Variants in RLN2 observed in about 807,000 individuals in gnomAD.
The protein encoded by RLN2 is prorelaxin H2.
In RLN2, 10 loss-of-function variants were observed where a neutral mutation model predicts 7.3. That is an observed-to-expected ratio of 1.36 (90% CI 0.84 to 2.31). RLN2 has a LOEUF of 2.31. RLN2 is among the 30% of genes most tolerant of loss of function. The probability of loss-of-function intolerance (pLI) is 0.00; values close to 1 mark genes in which losing one functional copy is unlikely to be tolerated. For synonymous variants in RLN2, 103 were observed against 82.3 expected, an observed-to-expected ratio of 1.25 and a Z score of -1.36; for missense variants, 298 against 217.6, an observed-to-expected ratio of 1.37 and a Z score of -2.32.
chr9:5,311,576 C>G, the RLN2 span: 3 of 812,680 alleles, frequency 3.7e-6, no homozygotes, highest in Non-Finnish European at 6.4e-6. Context: ...TAAAAACGCC[C>G]ATGCAAAGAC....
upstream of RLN2, among the ~76,000 whole-genome samples, chr9:5,307,687 C>T (rs151058044): frequency 2.0e-5 from 3 of 152,122 alleles, no homozygotes; most frequent in East Asian, 5.8e-4. Flanking sequence ...GGGCATTGCC[C>T]TCGTCCTTCT....
chr9:5,309,957 G>T, the RLN2 span, among the ~76,000 whole-genome samples: 4 of 152,074 alleles, frequency 2.6e-5, no homozygotes, highest in Admixed American at 1.3e-4. Flanking sequence ...TGTAATTAAA[G>T]ACCCTGTGAC....
chr9:5,318,380 C>T, the RLN2 span, among the ~76,000 whole-genome samples: 1 of 151,772 alleles, frequency 6.6e-6, no homozygotes, highest in South Asian at 2.1e-4. Flanking sequence ...CCTTCTATTT[C>T]CTACACCTCT....
the RLN2 span, among the ~76,000 whole-genome samples, chr9:5,331,813 TAATAAACAAACAAAGAAAAATA>T: frequency 2.6e-5 from 4 of 151,990 alleles, no homozygotes; most frequent in Non-Finnish European, 4.4e-5. Context: ...ACTTAAAGTA[TAATAAACAAACAAAGAAAAATA>T]AATAAATAAA....
At chr9:5,313,326 C>T in the RLN2 span, among the ~76,000 whole-genome samples, 162 of 151,350 alleles carry the variant, frequency 1.1e-3, 2 homozygotes, top group Admixed American at 3.0e-3. Context: ...ATATAATGAC[C>T]TTCTTTATCT....
At chr9:5,331,395 T>C in the RLN2 span, among the ~76,000 whole-genome samples, 1 of 151,960 alleles carries the variant, frequency 6.6e-6, no homozygotes, top group South Asian at 2.1e-4. Context: ...TGTGGCACTA[T>C]TCACAATAGC....
At chr9:5,324,099 G>A in the RLN2 span, among the ~76,000 whole-genome samples, 2 of 151,826 alleles carry the variant, frequency 1.3e-5, no homozygotes, top group African/African-American at 2.4e-5. Context: ...CTCTTAAGGT[G>A]GTGGTAGTCA....
At chr9:5,304,894 A>C (rs141650436), upstream of RLN2, 25 of 343,734 alleles carry the variant, frequency 7.3e-5, no homozygotes, top group East Asian at 1.4e-3. Flanking sequence ...CATTACCCTC[A>C]AACAATTTAG....
At chr9:5,335,617 AG>A in the RLN2 span, 2 of 1,526,600 alleles carry the variant, frequency 1.3e-6, no homozygotes, top group Non-Finnish European at 1.8e-6. Context: ...TTAAAAAAAA[AG>A]TGTATGTGAA....
chr9:5,310,956 G>A, the RLN2 span, among the ~76,000 whole-genome samples: 1 of 151,848 alleles, frequency 6.6e-6, no homozygotes, highest in Admixed American at 6.6e-5. Flanking sequence ...TCTCTGATAG[G>A]CTTCCTTTCT....
the RLN2 span, among the ~76,000 whole-genome samples, chr9:5,314,622 A>G: frequency 6.6e-6 from 1 of 151,958 alleles, no homozygotes; most frequent in African/African-American, 2.4e-5. Context: ...TAATTGTAGT[A>G]CCCTGCTTTC....
upstream of RLN2, among the ~76,000 whole-genome samples, chr9:5,307,652 G>T (rs1816278934): frequency 6.6e-6 from 1 of 151,992 alleles, no homozygotes; most frequent in Non-Finnish European, 1.5e-5. Flanking sequence ...GTGCATCTTT[G>T]TCTTGTCCAA....
At chr9:5,328,285 T>A in the RLN2 span, among the ~76,000 whole-genome samples, 1 of 151,940 alleles carries the variant, frequency 6.6e-6, no homozygotes, top group East Asian at 1.9e-4. Context: ...CAATTGCTGA[T>A]TCGATCAAGT....
the RLN2 span, chr9:5,335,444 G>T: frequency 1.2e-6 from 2 of 1,613,586 alleles, no homozygotes; most frequent in Non-Finnish European, 1.7e-6. Context: ...GCTAAGATTG[G>T]AATCCTTTAA....
At chr9:5,311,498 G>A in the RLN2 span, 2 of 696,480 alleles carry the variant, frequency 2.9e-6, no homozygotes, top group Non-Finnish European at 5.2e-6. Flanking sequence ...TCACGATGAA[G>A]GATGAACCAC....
chr9:5,313,829 A>T, the RLN2 span, among the ~76,000 whole-genome samples: 13 of 152,092 alleles, frequency 8.5e-5, no homozygotes, highest in South Asian at 4.2e-4. Flanking sequence ...CTAAGGGAGG[A>T]TGTTAGAATA....
chr9:5,315,581 C>A, the RLN2 span, among the ~76,000 whole-genome samples: 1 of 151,936 alleles, frequency 6.6e-6, no homozygotes. Context: ...ATTTGAACAT[C>A]CAGATTCAAG....
chr9:5,330,575 T>C, the RLN2 span, among the ~76,000 whole-genome samples: 3 of 148,490 alleles, frequency 2.0e-5, no homozygotes, highest in East Asian at 5.9e-4. Flanking sequence ...GAGGCAGAGC[T>C]TGCAGTGAGC....
intron 1 of RLN2, among the ~76,000 whole-genome samples, chr9:5,300,862 T>C (rs1171024431): frequency 6.6e-6 from 1 of 152,236 alleles, no homozygotes; most frequent in Non-Finnish European, 1.5e-5. Flanking sequence ...TATTATGAGT[T>C]GTAATAGTAA....
Sources: allele counts gnomAD v4.1 joint callset (sites outside exome capture counted in the v4.1 genomes callset), GRCh38; gene constraint gnomAD v4.1.1; transcripts MANE v1.5; gene names NCBI Gene and HGNC (gene_info 2026-07-23, HGNC 2026-07-21).